KCNQ5: variants seen among roughly 807,000 people sequenced by gnomAD.
KCNQ5 encodes potassium voltage-gated channel subfamily Q member 5.
Under a neutral mutation model 98.2 loss-of-function variants are expected in KCNQ5, and 30 were observed. That is an observed-to-expected ratio of 0.31 (90% CI 0.23 to 0.41). The LOEUF is 0.41. KCNQ5 is among the 10% of genes least tolerant of loss of function. The pLI is 1.00. For synonymous variants in KCNQ5, 458 were observed against 449.4 expected (o/e 1.02, Z -0.24); for missense variants, 835 against 1,182.5 (o/e 0.71, Z 4.31).
intron 1 of KCNQ5, among the ~76,000 whole-genome samples, chr6:72,786,225 A>T (rs1773734217): frequency 1.3e-5 from 2 of 152,210 alleles, no homozygotes; most frequent in South Asian, 4.1e-4. Context: ...AGTAGTCAGT[A>T]GCCACATGGG....
chr6:72,802,627 A>G (rs1243949074), intron 1 of KCNQ5, among the ~76,000 whole-genome samples: 2 of 152,164 alleles, frequency 1.3e-5, no homozygotes, highest in Admixed American at 6.6e-5. Context: ...ATCGTAAGAC[A>G]TAATTCTGAA....
chr6:73,072,073 G>A (rs1237280075), intron 3 of KCNQ5, among the ~76,000 whole-genome samples: 13 of 152,208 alleles, frequency 8.5e-5, no homozygotes, highest in South Asian at 2.1e-4. Flanking sequence ...TGTATTTGTC[G>A]TACTTCTGAT....
intron 2 of KCNQ5, among the ~76,000 whole-genome samples, chr6:73,041,155 G>T (rs867579198): frequency 2.0e-5 from 3 of 152,148 alleles, no homozygotes; most frequent in Non-Finnish European, 4.4e-5. Context: ...AAATGCTTTC[G>T]TTTTACAAAT....
intron 1 of KCNQ5, among the ~76,000 whole-genome samples, chr6:72,825,314 G>T (rs2840803): frequency 6.6e-6 from 1 of 151,910 alleles, no homozygotes; most frequent in Non-Finnish European, 1.5e-5. Flanking sequence ...ACTTTGGGTT[G>T]TGCTGCACTG....
Position 73,196,050 on chromosome 6 carries a change from G to T in KCNQ5, c.*636G>T, listed in dbSNP as rs1249894044. 2 of 152,812 alleles carry T rather than the reference G, an allele frequency of 1.3e-5. No homozygotes were observed. The highest frequency in any genetic ancestry group is 4.8e-5 in the African/African-American group (2 of 41,466). The allele number at this position is 152,812 out of a possible 1,614,324, so 9.5% of individuals were successfully genotyped here. A position where few individuals can be genotyped will look rare whatever the true frequency, so the allele number is the denominator to read the frequency against. The stretch of plus-strand genomic sequence containing the variant: ...TCATGTTGTTCTTTATGACAAGAAT[G>T]TTCTTCAATTAGAAAATGTGCAAAT... On this transcript the variant is annotated 3_prime_UTR_variant, in exon 14 of 14. Transcript: ENST00000370398.
At chr6:72,832,666 T>G (rs979462353) in intron 1 of KCNQ5, among the ~76,000 whole-genome samples, 1 of 152,182 alleles carries the variant, frequency 6.6e-6, no homozygotes, top group Non-Finnish European at 1.5e-5. Context: ...CAGAACCAAA[T>G]ACGCTCTCCC....
At chr6:73,103,485 TG>T (rs59446982) in intron 5 of KCNQ5, among the ~76,000 whole-genome samples, 144,980 of 151,046 alleles carry the variant, frequency 0.96, 69,478 homozygotes, top group South Asian at 0.98. Context: ...GGGCCTGTCA[TG>T]GGGGGGGGGG....
intron 10 of KCNQ5, among the ~76,000 whole-genome samples, chr6:73,148,816 G>A (rs1424004217): frequency 1.3e-5 from 2 of 151,864 alleles, no homozygotes; most frequent in Non-Finnish European, 2.9e-5. Flanking sequence ...TATTTCAACT[G>A]GCTGTTGAGC....
Position 72,907,051 on chromosome 6 carries a change from T to A in KCNQ5, c.399-96857T>A, listed in dbSNP as rs140918832. Among the ~76,000 whole-genome samples the A allele has an allele frequency of 1.5e-3, 230 of 152,358 alleles. 4 individuals are homozygous for A. Among genetic ancestry groups the A allele is most frequent in the Admixed American group, 0.013 (198 of 15,306 alleles). ...TGTCACATTGGTGACCGTGCTTTTT[T>A]TCCATCTAGATTATATGGTGCCTTT... On this transcript the variant is annotated intron_variant, in intron 1 of 13. Coordinates refer to ENST00000370398, the MANE Select transcript of KCNQ5 (RefSeq NM_019842.4).
At chr6:72,904,619 A>G (rs1458124899) in intron 1 of KCNQ5, among the ~76,000 whole-genome samples, 3 of 152,096 alleles carry the variant, frequency 2.0e-5, no homozygotes, top group Non-Finnish European at 4.4e-5. Flanking sequence ...TCCTTCATAT[A>G]TGAAGCTTAG....
chr6:73,034,839 C>CTT (rs71669816), intron 2 of KCNQ5, among the ~76,000 whole-genome samples: 14 of 113,532 alleles, frequency 1.2e-4, no homozygotes, highest in African/African-American at 4.0e-4. Context: ...TGCCTCTTTT[C>CTT]TTTTTTTTTT....
In KCNQ5 at chr6:73,170,726, G is replaced by C. The variant is rs1777983633; in HGVS notation, c.1577+872G>C. 2.6e-5 allele frequency among the ~76,000 whole-genome samples: 4 copies of C among 152,064 alleles called. No homozygotes were observed. The South Asian group carries it at 8.3e-4, about 32-fold the overall frequency. ...AGGGGGGCAGATCACTTGAGGTCAG[G>C]AGTTCAAGATAAGCCTGGCCAACTT... On this transcript the variant is annotated intron_variant, in intron 11 of 13. Transcript: ENST00000370398.
intron 1 of KCNQ5, among the ~76,000 whole-genome samples, chr6:72,980,029 G>C (rs1768357328): frequency 6.6e-6 from 1 of 152,078 alleles, no homozygotes. Flanking sequence ...TGTTCCATTG[G>C]TCTCTATCTC....
At chr6:72,679,499 C>T (rs991981921) in intron 1 of KCNQ5, among the ~76,000 whole-genome samples, 3 of 144,240 alleles carry the variant, frequency 2.1e-5, no homozygotes, top group African/African-American at 7.8e-5. Context: ...CGCATATTCT[C>T]ACTCATAGGT....
At chr6:73,073,018 T>C (rs1421344911) in intron 3 of KCNQ5, among the ~76,000 whole-genome samples, 2 of 152,234 alleles carry the variant, frequency 1.3e-5, no homozygotes, top group Non-Finnish European at 2.9e-5. Flanking sequence ...AGCATCATTT[T>C]ATTTCTGCTT....
intron 1 of KCNQ5, among the ~76,000 whole-genome samples, chr6:72,775,164 G>T (rs1304037173): frequency 2.0e-5 from 3 of 152,122 alleles, no homozygotes; most frequent in Non-Finnish European, 4.4e-5. Context: ...GAAAGACACT[G>T]TGATATATTT....
At chr6:72,851,436 T>C (rs1190079780) in intron 1 of KCNQ5, among the ~76,000 whole-genome samples, 1 of 152,168 alleles carries the variant, frequency 6.6e-6, no homozygotes, top group African/African-American at 2.4e-5. Context: ...ACTCCCATTA[T>C]CTAAGCAAGC....
rs748981884 is a variant in KCNQ5, at chr6:73,041,942, G to A, written c.496G>A (p.Val166Met). The change falls in exon 3 of 14, where the codon GTG becomes ATG. Residue 166 changes from valine (V) to methionine (M), a missense_variant. Transcript: ENST00000370398. The part of the protein sequence containing the change: ...ASSCLLILEF[V>M]MIVVFGLEFI... ...GTCTTATCTGATATTTTAGGAGTTC[G>A]TGATGATTGTCGTCTTTGGTTTGGA... 4 of 1,613,698 alleles carry A rather than the reference G, an allele frequency of 2.5e-6. No homozygotes were observed. The highest frequency in any genetic ancestry group is 1.1e-5 in the South Asian group (1 of 91,076).
intron 3 of KCNQ5, among the ~76,000 whole-genome samples, chr6:73,074,354 C>T (rs768076220): frequency 4.6e-5 from 7 of 152,176 alleles, no homozygotes; most frequent in Non-Finnish European, 8.8e-5. Context: ...ATTTTTGTGA[C>T]TGCACTCACT....
Sources: allele counts gnomAD v4.1 joint callset (sites outside exome capture counted in the v4.1 genomes callset), GRCh38; gene constraint gnomAD v4.1.1; transcripts MANE v1.5; gene names NCBI Gene and HGNC (gene_info 2026-07-23, HGNC 2026-07-21).